The following GOLGA3 variants were observed in gnomAD, a reference collection of about 807,000 sequenced individuals.
The protein encoded by GOLGA3 is golgin subfamily A member 3.
In GOLGA3, 75 loss-of-function variants were observed where a neutral mutation model predicts 169.4. The observed-to-expected ratio is 0.44, with a 90% CI of 0.37 to 0.54. GOLGA3 has a LOEUF of 0.54. Among genes scored for constraint, GOLGA3 ranks in the 20% least tolerant of loss-of-function variants. The pLI is 0.00. For synonymous variants in GOLGA3, 824 were observed against 822.4 expected, an observed-to-expected ratio of 1.00 and a Z score of -0.03; for missense variants, 1,899 against 1,930.0, an observed-to-expected ratio of 0.98 and a Z score of 0.30.
At chr12:132,788,414 A>C (rs2046038768) in intron 13 of GOLGA3, among the ~76,000 whole-genome samples, 1 of 152,066 alleles carries the variant, frequency 6.6e-6, no homozygotes, top group African/African-American at 2.4e-5. Context: ...CTCAGCCTGG[A>C]TGTCTGGACA....
intron 4 of GOLGA3, among the ~76,000 whole-genome samples, chr12:132,809,034 A>G (rs187175682): frequency 6.6e-6 from 1 of 152,352 alleles, no homozygotes; most frequent in African/African-American, 2.4e-5. Flanking sequence ...TATTGGATAC[A>G]AGGCAGAAGG....
chr12:132,796,094 G>A lies in GOLGA3; in HGVS notation c.2227C>T (p.Leu743=), dbSNP rs201062596. 2,687 of 1,613,076 alleles carry A rather than the reference G, an allele frequency of 1.7e-3. 61 individuals are homozygous for A. In the South Asian group the frequency reaches 0.028, roughly 17 times the overall value. ...LQSREQSLDA[L]QTHYDELQAR... is the part of the protein sequence containing the mutation. ...TGCAGCTCATCGTAGTGTGTCTGCA[G>A]GGCATCGAGGGACTGCTCCCTGCTC... is the stretch of plus-strand genomic sequence containing the variant. The change falls in exon 11 of 24, where the codon CTG becomes TTG. Residue 743 remains leucine, a synonymous_variant. Transcript: ENST00000450791.
In GOLGA3 at chr12:132,782,432, A is replaced by C; in HGVS notation, c.3329T>G (p.Leu1110Trp). ...TTTCTCGTGCTCTAATTCAAGAGCC[A>C]ACTTCTTGTTTGACTCCTCAAGGCG... ...IKRLEESNKK[L>W]ALELEHEKGK... Residue 1110 changes from leucine to tryptophan, a missense_variant, in exon 17 of 24, where the codon TTG (leucine) becomes TGG (tryptophan). Leu to Trp is a moderately conservative substitution (Grantham distance 61). Coordinates refer to ENST00000450791, the MANE Select transcript of GOLGA3 (RefSeq NM_001389683.1). 6.2e-7 allele frequency: 1 copy of C among 1,613,928 alleles called. No individual in the cohort carries two copies. Among genetic ancestry groups the C allele is most frequent in the Non-Finnish European group, 8.5e-7 (1 of 1,179,760 alleles).
At chr12:132,784,903 C>G (rs190246482) in intron 15 of GOLGA3, among the ~76,000 whole-genome samples, 198 of 152,330 alleles carry the variant, frequency 1.3e-3, no homozygotes, top group African/African-American at 4.1e-3. Flanking sequence ...CACACATGCT[C>G]ACACCTCACA....
Position 132,807,889 on chromosome 12 carries a change from A to G in GOLGA3, c.1178+2T>C. On this transcript the variant is annotated splice_donor_variant, in intron 5 of 23. Coordinates refer to ENST00000450791, the MANE Select transcript of GOLGA3 (RefSeq NM_001389683.1). LOFTEE classifies it high-confidence loss of function. Reference sequence around the variant, plus strand: ...CCCGCCCACCTCTGCTGTCCCCACCACCTGCTGCAGATGCTGTCTCTCCGA... The same window carrying G: ...CCCGCCCACCTCTGCTGTCCCCACCGCCTGCTGCAGATGCTGTCTCTCCGA... 4 of 958,522 alleles carry G rather than the reference A, an allele frequency of 4.2e-6. No homozygotes were observed. Among genetic ancestry groups the G allele is most frequent in the Non-Finnish European group, 4.4e-6 (3 of 688,926 alleles). The allele number at this position is 958,522 out of a possible 1,614,324, so 59.4% of individuals were successfully genotyped here.
chr12:132,801,818 G>A lies in GOLGA3; in HGVS notation c.1749C>T (p.Ala583=), dbSNP rs777328669. Residue 583 remains alanine, a synonymous_variant, in exon 8 of 24, where the codon GCC becomes GCT. Coordinates refer to ENST00000450791, the MANE Select transcript of GOLGA3 (RefSeq NM_001389683.1). ...GCCTGACGCGGGCCTCCTGTGCCAG[G>A]GCGAGCTGCTGCTGGTACCACTGCC... ...SVRQWYQQQL[A]LAQEARVRLQ... is the part of the protein sequence containing the mutation. The A allele has an allele frequency of 5.6e-6, 9 of 1,610,552 alleles. No individual in the cohort carries two copies. The Admixed American group carries it at 1.2e-4, about 21-fold the overall frequency.
At chr12:132,828,401 A>G (rs1950515090) in intron 1 of GOLGA3, 1 of 152,356 alleles carries the variant, frequency 6.6e-6, no homozygotes, top group Non-Finnish European at 1.5e-5. Context: ...AAGACAAACA[A>G]GGAAGTACAC....
chr12:132,775,972 C>T (rs1009319687), intron 21 of GOLGA3, among the ~76,000 whole-genome samples: 6 of 152,262 alleles, frequency 3.9e-5, no homozygotes, highest in Admixed American at 6.5e-5. Context: ...GGATCGGAGC[C>T]GGCCCAGGCT....
Position 132,791,276 on chromosome 12 carries a change from C to A in GOLGA3, c.2487G>T (p.Gln829His). Reference sequence around the variant, plus strand: ...TTTGCTTTTTCAGAGCAGCAGTCTCCTGCTGCAGGTGTTCCACCTGTGGGA... The same window carrying A: ...TTTGCTTTTTCAGAGCAGCAGTCTCATGCTGCAGGTGTTCCACCTGTGGGA... Reference protein sequence around the residue: ...IKSGQVEHLQQETAALKKQMQ... With the variant: ...IKSGQVEHLQHETAALKKQMQ... The change falls in exon 12 of 24, where the codon CAG (glutamine) becomes CAT (histidine). Residue 829 changes from glutamine to histidine, a missense_variant. Gln to His is a conservative substitution (Grantham distance 24, BLOSUM62 0). Coordinates refer to ENST00000450791, the MANE Select transcript of GOLGA3 (RefSeq NM_001389683.1). 6.2e-7 allele frequency: 1 copy of A among 1,603,794 alleles called. No individual in the cohort carries two copies.
In GOLGA3 at chr12:132,777,894, G is replaced by A; in HGVS notation, c.3583-89C>T. 7.1e-7 allele frequency: 1 copy of A among 1,412,088 alleles called. No individual in the cohort carries two copies. The allele number at this position is 1,412,088 out of a possible 1,614,324, so 87.5% of individuals were successfully genotyped here. ...GGCGCAGGGGGTGAATGCACTCCCG[G>A]CCCCGTGCATGTCCTGGCTGCCGGC... On this transcript the variant is annotated intron_variant, in intron 18 of 23. Transcript: ENST00000450791. This position sits in a 1 kb window ranked among gnomAD's most constrained non-coding sequence, Gnocchi z 4.7.
intron 13 of GOLGA3, among the ~76,000 whole-genome samples, chr12:132,787,875 GAGACCCCAGGACCCTTCCT>G (rs1403968115): frequency 2.6e-4 from 15 of 57,806 alleles, no homozygotes; most frequent in African/African-American, 8.7e-4. Context: ...ACCCCTTCCC[GAGACCCCAGGACCCTTCCT>G]GAGACCCCAG....
At chr12:132,774,776 CTGGAAAACA>C (rs1300561057) in intron 22 of GOLGA3, 3 of 448,440 alleles carry the variant, frequency 6.7e-6, no homozygotes, top group Non-Finnish European at 1.2e-5. Context: ...CACCTGCCTC[CTGGAAAACA>C]TGGATGTGGA....
At chr12:132,778,443 C>T (rs1280195699) in intron 18 of GOLGA3, among the ~76,000 whole-genome samples, 1 of 151,658 alleles carries the variant, frequency 6.6e-6, no homozygotes, top group Non-Finnish European at 1.5e-5. Context: ...TGGTGGCGGG[C>T]ACCTGTAGTC....
chr12:132,789,425 A>C, intron 12 of GOLGA3, 135 bp from the exon 13 acceptor site: 2 of 714,506 alleles, frequency 2.8e-6, no homozygotes. Flanking sequence ...GATACATTTC[A>C]TCAAATCTAA....
rs763182523 is a variant in GOLGA3, at chr12:132,813,363, G to A, written c.463C>T (p.Arg155Trp). 2.0e-5 allele frequency: 32 copies of A among 1,613,490 alleles called. No individual in the cohort carries two copies. The highest frequency in any genetic ancestry group is 2.5e-5 in the Non-Finnish European group (30 of 1,179,714). ...EKEEQVRLQA[R>W]KWLEEQLKQY... is the part of the protein sequence containing the mutation. ...TTGAGCTGCTCTTCCAGCCACTTCC[G>A]AGCCTGAAGTCGGACCTGCTCCTCC... Residue 155 changes from arginine to tryptophan, a missense_variant, in exon 4 of 24, where the codon CGG (arginine) becomes TGG (tryptophan). Physicochemically the swap from Arg to Trp is moderately radical, Grantham distance 101. Coordinates refer to ENST00000450791, the MANE Select transcript of GOLGA3 (RefSeq NM_001389683.1).
Position 132,801,977 on chromosome 12 carries a change from G to T in GOLGA3, c.1598-8C>A. ...GCTGTCGCAGGTCGTGCACTGAAAT[G>T]GGGCAAGCACAGCGGCTCAGGCCAG... is the stretch of plus-strand genomic sequence containing the variant. On this transcript the variant is annotated splice_polypyrimidine_tract_variant and splice_region_variant and intron_variant, in intron 7 of 23. Coordinates refer to ENST00000450791, the MANE Select transcript of GOLGA3 (RefSeq NM_001389683.1). The T allele has an allele frequency of 6.3e-7, 1 of 1,593,762 alleles. No homozygotes were observed.
rs138564801 is a variant in GOLGA3 at position 132,796,002 on chromosome 12, G to A, written c.2319C>T (p.Asn773=). The change falls in exon 11 of 24, where the codon AAC becomes AAT. Residue 773 remains asparagine (N), a synonymous_variant. Coordinates refer to ENST00000450791, the MANE Select transcript of GOLGA3 (RefSeq NM_001389683.1). The stretch of plus-strand genomic sequence containing the variant: ...AAGCCGCCTCCAAGATGATCTTCTC[G>A]TTCTGCAGGAGGCAGATCGTGTCCT... ...SREDTICLLQ[N]EKIILEAALQ... The A allele has an allele frequency of 2.5e-5, 40 of 1,613,272 alleles. No individual in the cohort carries two copies. Among genetic ancestry groups the A allele is most frequent in the South Asian group, 6.6e-5 (6 of 91,090 alleles).
At chr12:132,818,534 G>A (rs531949189) in intron 2 of GOLGA3, among the ~76,000 whole-genome samples, 3 of 152,340 alleles carry the variant, frequency 2.0e-5, no homozygotes, top group Non-Finnish European at 2.9e-5. Flanking sequence ...GATTACAGGC[G>A]TGAGCCACCG....
In GOLGA3 at chr12:132,776,777, T is replaced by C. The variant is rs1422845414; in HGVS notation, c.3856-21A>G. 6 of 1,612,766 alleles carry C rather than the reference T, an allele frequency of 3.7e-6. No homozygotes were observed. The Admixed American group carries it at 6.7e-5, about 18-fold the overall frequency. ...TCCATCTAAAGAGGGGAAAGTCACA[T>C]GGCCAAAAGAATATTAAAGTGGCTT... On this transcript the variant is annotated intron_variant, in intron 20 of 23. Coordinates refer to ENST00000450791, the MANE Select transcript of GOLGA3 (RefSeq NM_001389683.1).
Sources: gnomAD v4.1 joint callset for allele counts (sites outside exome capture counted in the v4.1 genomes callset) on GRCh38, gnomAD v4.1.1 for gene constraint, Gnocchi (gnomAD v3.1) non-coding constraint, MANE v1.5 for transcripts, NCBI Gene and HGNC (gene_info 2026-07-23, HGNC 2026-07-21) for gene names.